Variants in SLC29A3 observed in about 807,000 individuals in gnomAD.
The protein encoded by SLC29A3 is solute carrier family 29 member 3, also known as equilibrative nucleoside transporter 3.
In SLC29A3, 18 loss-of-function variants were observed where a neutral mutation model predicts 25.4. The observed-to-expected ratio is 0.71, with a 90% CI of 0.49 to 1.05. SLC29A3 has a LOEUF of 1.05. Ranked by LOEUF, SLC29A3 falls within the 50% of genes least tolerant of loss-of-function variation. The pLI is 0.00. For missense variants in SLC29A3, 586 were observed against 609.0 expected, an observed-to-expected ratio of 0.96 and a Z score of 0.40; for synonymous variants, 258 against 267.1, an observed-to-expected ratio of 0.97 and a Z score of 0.33.
chr10:71,343,641 G>T (rs879330525), intron 2 of SLC29A3, among the ~76,000 whole-genome samples: 2 of 152,148 alleles, frequency 1.3e-5, no homozygotes, highest in Non-Finnish European at 2.9e-5. Flanking sequence ...AAGAAAGCGA[G>T]AATGTGGTTG....
Position 71,361,121 on chromosome 10 carries a change from T to C in SLC29A3, c.774-833T>C, listed in dbSNP as rs186888566. 1.5e-3 allele frequency among the ~76,000 whole-genome samples: 235 copies of C among 152,256 alleles called. 2 individuals carry two copies. The highest frequency in any genetic ancestry group is 0.014 in the Middle Eastern group (4 of 294). Reference sequence around the variant, plus strand: ...TGTGCATGGAACAGTATGTACCAGATTGGTTTTTCTGTTTTGTTTTGTTTT... The same window carrying C: ...TGTGCATGGAACAGTATGTACCAGACTGGTTTTTCTGTTTTGTTTTGTTTT... On this transcript the variant is annotated intron_variant, in intron 5 of 5. Transcript: ENST00000373189.
chr10:71,375,981 G>A (rs574358023), intron 4 of SLC29A3, among the ~76,000 whole-genome samples: 6 of 152,336 alleles, frequency 3.9e-5, no homozygotes, highest in Admixed American at 6.5e-5. Context: ...AGCGAAGAGC[G>A]TCAGCAGTGG....
chr10:71,356,585 G>C (rs1846919241), intron 5 of SLC29A3, among the ~76,000 whole-genome samples: 1 of 152,192 alleles, frequency 6.6e-6, no homozygotes, highest in African/African-American at 2.4e-5. Context: ...CCAGCACTTT[G>C]GGAGGCCAAG....
chr10:71,342,162 C>T (rs572863025), intron 2 of SLC29A3, among the ~76,000 whole-genome samples: 1 of 152,194 alleles, frequency 6.6e-6, no homozygotes, highest in Non-Finnish European at 1.5e-5. Context: ...GCCACCACAC[C>T]TCATTTTAGA....
intron 3 of SLC29A3, among the ~76,000 whole-genome samples, chr10:71,351,016 C>T (rs562239392): frequency 3.3e-5 from 5 of 152,290 alleles, no homozygotes; most frequent in African/African-American, 4.8e-5. Context: ...GCTATGGCGA[C>T]GATGATGATG....
intron 3 of SLC29A3, among the ~76,000 whole-genome samples, chr10:71,373,996 C>T (rs1025131023): frequency 6.6e-6 from 1 of 152,166 alleles, no homozygotes; most frequent in East Asian, 1.9e-4. Flanking sequence ...TCCAACCTGA[C>T]CTTCCAGGTT....
chr10:71,327,492 A>G (rs1288272834), intron 2 of SLC29A3, among the ~76,000 whole-genome samples: 1 of 152,144 alleles, frequency 6.6e-6, no homozygotes, highest in Non-Finnish European at 1.5e-5. Flanking sequence ...TGGCAGGGGT[A>G]TTGCATGTGT....
At chr10:71,370,544 G>C (rs1847203387) in intron 3 of SLC29A3, among the ~76,000 whole-genome samples, 1 of 152,092 alleles carries the variant, frequency 6.6e-6, no homozygotes, top group Non-Finnish European at 1.5e-5. Flanking sequence ...TATTTTAAGA[G>C]ATGGAGTCTT....
intron 5 of SLC29A3, among the ~76,000 whole-genome samples, chr10:71,360,131 CTTCTTT>C (rs1214534032): frequency 4.7e-4 from 59 of 124,214 alleles, no homozygotes; most frequent in Non-Finnish European, 7.3e-4. Context: ...CTGTCTTCTT[CTTCTTT>C]TTTTTTTTTT....
At chr10:71,367,864 G>A (rs1253604713), downstream of SLC29A3, among the ~76,000 whole-genome samples, 1 of 152,226 alleles carries the variant, frequency 6.6e-6, no homozygotes, top group African/African-American at 2.4e-5. Context: ...AGGTTGGAAT[G>A]CTGTTTCTGC....
rs181279119 is a variant in SLC29A3, at chr10:71,339,333, C to G, written c.301-4876C>G. 2.9e-3 allele frequency among the ~76,000 whole-genome samples: 443 copies of G among 152,336 alleles called. 2 individuals are homozygous for G. Among genetic ancestry groups the G allele is most frequent in the African/African-American group, 0.01 (423 of 41,578 alleles). On this transcript the variant is annotated intron_variant, in intron 2 of 5. Coordinates refer to ENST00000373189, the MANE Select transcript of SLC29A3 (RefSeq NM_018344.6). ...TGACTTTGATGCGATTACTTAGAGA[C>G]TGGATGTTGAGTCCCACACCCTGCC... is the stretch of plus-strand genomic sequence containing the variant.
intron 3 of SLC29A3, among the ~76,000 whole-genome samples, chr10:71,350,669 T>C (rs891691870): frequency 6.6e-6 from 1 of 152,144 alleles, no homozygotes; most frequent in Non-Finnish European, 1.5e-5. Context: ...CAGGCAGCAC[T>C]AACTTGGCAT....
At chr10:71,323,262 T>C (rs1369698135) in intron 2 of SLC29A3, among the ~76,000 whole-genome samples, 3 of 152,252 alleles carry the variant, frequency 2.0e-5, no homozygotes, top group African/African-American at 7.2e-5. Flanking sequence ...TGTGAAGGTA[T>C]GGACTGAATA....
At chr10:71,367,631 T>C (rs1028674348), downstream of SLC29A3, among the ~76,000 whole-genome samples, 2 of 152,224 alleles carry the variant, frequency 1.3e-5, no homozygotes, top group African/African-American at 4.8e-5. Context: ...AGCCTCAGCC[T>C]GAGATGGCGA....
Position 71,362,736 on chromosome 10 carries a change from C to A in SLC29A3, c.*128C>A. The A allele has an allele frequency of 8.0e-7, 1 of 1,248,140 alleles. No homozygotes were observed. Among genetic ancestry groups the A allele is most frequent in the Non-Finnish European group, 1.1e-6 (1 of 875,238 alleles). The allele number at this position is 1,248,140 out of a possible 1,614,324, so 77.3% of individuals were successfully genotyped here. On this transcript the variant is annotated 3_prime_UTR_variant, in exon 6 of 6. Transcript: ENST00000373189. ...GGACAGAGAGCAGAGCACACTCGGG[C>A]CTCATCCCTCCCAAGATGCCAGTGA...
intron 2 of SLC29A3, among the ~76,000 whole-genome samples, chr10:71,332,188 G>A (rs72810346): frequency 0.024 from 3,063 of 128,346 alleles, 43 homozygotes; most frequent in Admixed American, 0.049. Flanking sequence ...TTATTGTATC[G>A]CCGAGGTTGG....
At position 71,354,578 on chromosome 10, in the gene SLC29A3, C is replaced by T. The variant is rs964379666; in HGVS notation, c.611-1503C>T. 1.3e-5 allele frequency among the ~76,000 whole-genome samples: 2 copies of T among 152,170 alleles called. 1 individual carries two copies. Among genetic ancestry groups the T allele is most frequent in the South Asian group, 4.1e-4 (2 of 4,832 alleles). ...GGACGGGGCCTGACTGTCCCCCTTC[C>T]CCTCTGCTTCGTGCAATAGTGGGCA... On this transcript the variant is annotated intron_variant, in intron 4 of 5. Transcript: ENST00000373189.
chr10:71,358,350 T>C (rs1348462904), intron 5 of SLC29A3, among the ~76,000 whole-genome samples: 1 of 152,190 alleles, frequency 6.6e-6, no homozygotes, highest in Non-Finnish European at 1.5e-5. Context: ...TAAAGGATTC[T>C]TCACCGCTTC....
chr10:71,319,445 G>A, intron 1 of SLC29A3, 135 bp downstream of exon 1: 3 of 470,872 alleles, frequency 6.4e-6, no homozygotes, highest in South Asian at 6.5e-5. Context: ...CCCCATCCGT[G>A]GTCCCTTCCC....
Sources: allele counts gnomAD v4.1 joint callset (sites outside exome capture counted in the v4.1 genomes callset), GRCh38; gene constraint gnomAD v4.1.1; transcripts MANE v1.5; gene names NCBI Gene and HGNC (gene_info 2026-07-23, HGNC 2026-07-21).